The following BPHL variants were observed in gnomAD, a reference collection of about 807,000 sequenced individuals.
BPHL encodes serine hydrolase BPHL.
In BPHL, 27 loss-of-function variants were observed where a neutral mutation model predicts 31.2. That is an observed-to-expected ratio of 0.87 (90% CI 0.64 to 1.19). BPHL has a LOEUF of 1.19. Among genes scored for constraint, BPHL ranks in the 50% most tolerant of loss-of-function variants. The pLI is 0.00. For missense variants in BPHL, 356 were observed against 375.7 expected (o/e 0.95, Z 0.43); for synonymous variants, 150 against 146.8 (o/e 1.02, Z -0.16).
Position 3,127,307 on chromosome 6 carries a change from G to A in BPHL, c.277G>A (p.Ala93Thr). ...CAATAAGAAGCTCTTCACGGTGGTC[G>A]CCTGGGATCCTCGAGGCTATGGACA... ...NLNKKLFTVV[A>T]WDPRGYGHSR... is the part of the protein sequence containing the mutation. The change falls in exon 3 of 7, where the codon GCC (alanine) becomes ACC (threonine). Residue 93 changes from alanine (A) to threonine (T), a missense_variant. Transcript: ENST00000380379. 2 of 1,607,050 alleles carry A rather than the reference G, an allele frequency of 1.2e-6. No individual in the cohort carries two copies. Among genetic ancestry groups the A allele is most frequent in the Non-Finnish European group, 1.7e-6 (2 of 1,175,920 alleles).
chr6:3,124,872 T>C (rs561512391), intron 2 of BPHL, among the ~76,000 whole-genome samples: 65 of 152,306 alleles, frequency 4.3e-4, no homozygotes, highest in African/African-American at 1.5e-3. Context: ...CGTGGCACTG[T>C]TGCACGTGTG....
chr6:3,137,224 C>A, intron 4 of BPHL, 138 bp from the exon 5 acceptor site: 1 of 1,143,078 alleles, frequency 8.7e-7, no homozygotes, highest in Non-Finnish European at 1.2e-6. Context: ...CTAAGCCGAG[C>A]AGAGGGAGGG....
rs546638701 is a variant in BPHL at position 3,119,525 on chromosome 6, C to CA, written c.107+685dup. Reference sequence around the variant, plus strand: ...CCCCCCATTTCAGGTAAAACAATAACAAAAAAACTGGATTAATTTCTGACC... The same window carrying CA: ...CCCCCCATTTCAGGTAAAACAATAACAAAAAAAACTGGATTAATTTCTGACC... On this transcript the variant is annotated intron_variant, in intron 1 of 6. Transcript: ENST00000380379. The CA allele has an allele frequency of 1.3e-4, 209 of 1,612,886 alleles. 1 individual carries two copies. In the South Asian group the frequency reaches 2.0e-3, roughly 16 times the overall value.
intron 1 of BPHL, 93 bp from the exon 2 acceptor site, chr6:3,123,563 AC>A: frequency 9.5e-7 from 1 of 1,049,072 alleles, no homozygotes; most frequent in Non-Finnish European, 1.5e-6. Flanking sequence ...GAACACTAAC[AC>A]TTATTCCTCC....
chr6:3,121,999 G>T (rs1761586507), intron 1 of BPHL, among the ~76,000 whole-genome samples: 1 of 152,196 alleles, frequency 6.6e-6, no homozygotes, highest in Non-Finnish European at 1.5e-5. Flanking sequence ...GTATGTAGAA[G>T]AAAAAGGAGA....
In BPHL at chr6:3,140,385, G is replaced by A; in HGVS notation, c.665-1G>A. On this transcript the variant is annotated splice_acceptor_variant, in intron 5 of 6. Coordinates refer to ENST00000380379, the MANE Select transcript of BPHL (RefSeq NM_004332.4). LOFTEE classifies it high-confidence loss of function. This position sits in a 1 kb window ranked among gnomAD's most constrained non-coding sequence, Gnocchi z 5.2. ...GATTCCTCGTGCTGTGTATCCGTCAGGTAACATCTGCCGGCACCTGCTGCC... is the reference window on the plus strand; with the variant it reads ...GATTCCTCGTGCTGTGTATCCGTCAAGTAACATCTGCCGGCACCTGCTGCC... 4 of 1,614,160 alleles carry A rather than the reference G, an allele frequency of 2.5e-6. No homozygotes were observed. The highest frequency in any genetic ancestry group is 3.4e-6 in the Non-Finnish European group (4 of 1,180,030).
chr6:3,133,847 A>G (rs993899168), intron 4 of BPHL, among the ~76,000 whole-genome samples: 4 of 152,196 alleles, frequency 2.6e-5, no homozygotes, highest in Admixed American at 1.3e-4. Context: ...GTCTAAGTCC[A>G]TGAGTGAAAT....
At chr6:3,134,793 G>A (rs938422333) in intron 4 of BPHL, among the ~76,000 whole-genome samples, 10 of 151,678 alleles carry the variant, frequency 6.6e-5, no homozygotes, top group African/African-American at 2.2e-4. Flanking sequence ...TAGTAGAGAC[G>A]GGGTTTCACC....
intron 6 of BPHL, among the ~76,000 whole-genome samples, chr6:3,148,347 G>T (rs984053601): frequency 6.6e-6 from 1 of 152,232 alleles, no homozygotes; most frequent in African/African-American, 2.4e-5. Context: ...GGCCACCAGT[G>T]GTAAGATGGC....
At chr6:3,122,186 A>C (rs1256394950) in intron 1 of BPHL, among the ~76,000 whole-genome samples, 1 of 152,222 alleles carries the variant, frequency 6.6e-6, no homozygotes, top group African/African-American at 2.4e-5. Context: ...AGGCTGAGGC[A>C]GGAGAATGGT....
At chr6:3,118,554 CGA>C, upstream of BPHL, 1 of 411,880 alleles carries the variant, frequency 2.4e-6, no homozygotes, top group East Asian at 3.6e-5. Context: ...AACCACGAGC[CGA>C]GTTTCGGTCG....
Position 3,149,381 on chromosome 6 carries a change from G to C in BPHL, c.789-3107G>C, listed in dbSNP as rs913011999. 1.3e-5 allele frequency among the ~76,000 whole-genome samples: 2 copies of C among 152,140 alleles called. No homozygotes were observed. The highest frequency in any genetic ancestry group is 3.2e-3 in the Middle Eastern group (1 of 316). On this transcript the variant is annotated intron_variant, in intron 6 of 6. Coordinates refer to ENST00000380379, the MANE Select transcript of BPHL (RefSeq NM_004332.4). This position sits in a 1 kb window ranked among gnomAD's most constrained non-coding sequence, Gnocchi z 4.6. ...AAAAGCACCAACCCAGCAGCCCGAG[G>C]GTCCTCTAGCAGCCCACTTCAAGCC...
rs147781070 is a variant in BPHL, at chr6:3,119,675, T to C, written c.107+828T>C. 6.2e-3 allele frequency among the ~76,000 whole-genome samples: 944 copies of C among 152,342 alleles called. 19 individuals carry two copies. The highest frequency in any genetic ancestry group is 0.022 in the African/African-American group (914 of 41,568). ...CCCTACACACATGCAAACACACGTA[T>C]ACAACGAACGTACACAGTGCATGTG... is the stretch of plus-strand genomic sequence containing the variant. On this transcript the variant is annotated intron_variant, in intron 1 of 6. Transcript: ENST00000380379.
chr6:3,137,905 G>A lies in BPHL; in HGVS notation c.664+412G>A, dbSNP rs188827181. On this transcript the variant is annotated intron_variant, in intron 5 of 6. Transcript: ENST00000380379. ...TACACATTTAGATGTGTCTCCCCAC[G>A]AGGACACTGTTAATCTTTAATCTCA... is the stretch of plus-strand genomic sequence containing the variant. 1.6e-5 allele frequency: 16 copies of A among 1,001,028 alleles called. 1 individual carries two copies. Among genetic ancestry groups the A allele is most frequent in the Middle Eastern group, 2.4e-4 (1 of 4,090 alleles). The allele number at this position is 1,001,028 out of a possible 1,614,324, so 62.0% of individuals were successfully genotyped here.
Position 3,118,856 on chromosome 6 carries a change from G to A in BPHL, c.107+9G>A, listed in dbSNP as rs1761468081. On this transcript the variant is annotated intron_variant, in intron 1 of 6. Coordinates refer to ENST00000380379, the MANE Select transcript of BPHL (RefSeq NM_004332.4). ...CCCGCGGCCGCGTTCGGGTAATGGC[G>A]GCCACCTCGCCCCGGGGATCCCCAG... 1 of 1,235,732 alleles carries A rather than the reference G, an allele frequency of 8.1e-7. No individual in the cohort carries two copies. The highest frequency in any genetic ancestry group is 4.0e-5 in the South Asian group (1 of 25,042). 76.5% of individuals were successfully genotyped at this position (1,235,732 alleles called of 1,614,324 possible). A position where few individuals can be genotyped will look rare whatever the true frequency, so the allele number is the denominator to read the frequency against.
At chr6:3,137,260 CAGTG>C in intron 4 of BPHL, 98 bp from the exon 5 acceptor site, 1 of 1,417,034 alleles carries the variant, frequency 7.1e-7, no homozygotes, top group Non-Finnish European at 9.6e-7. Flanking sequence ...GCAGACGAGA[CAGTG>C]AGCGCATGGG....
At position 3,149,719 on chromosome 6, in the gene BPHL, G is replaced by A. The variant is rs1037069361; in HGVS notation, c.789-2769G>A. Among the ~76,000 whole-genome samples, 5 of 152,086 alleles carry A rather than the reference G, an allele frequency of 3.3e-5. No homozygotes were observed. The highest frequency in any genetic ancestry group is 7.3e-5 in the Non-Finnish European group (5 of 68,030). On this transcript the variant is annotated intron_variant, in intron 6 of 6. Transcript: ENST00000380379. This position sits in a 1 kb window ranked among gnomAD's most constrained non-coding sequence, Gnocchi z 4.6. ...GGGATCTCGGCTCACTGCAACCTCC[G>A]CCTACTGGGTTCAAGTGATTCTGCC...
intron 1 of BPHL, chr6:3,119,218 C>T (rs1347745845): frequency 2.9e-6 from 4 of 1,402,804 alleles, no homozygotes; most frequent in Non-Finnish European, 3.9e-6. Flanking sequence ...CCTCATTAGT[C>T]CATTGCTCTG....
intron 1 of BPHL, among the ~76,000 whole-genome samples, chr6:3,120,144 G>T (rs1466988597): frequency 6.6e-6 from 1 of 151,790 alleles, no homozygotes; most frequent in Admixed American, 6.6e-5. Flanking sequence ...AGCGATTCTC[G>T]TGGCCTCAGC....
Sources: gnomAD v4.1 joint callset for allele counts (sites outside exome capture counted in the v4.1 genomes callset) on GRCh38, gnomAD v4.1.1 for gene constraint, Gnocchi (gnomAD v3.1) non-coding constraint, MANE v1.5 for transcripts, NCBI Gene and HGNC (gene_info 2026-07-23, HGNC 2026-07-21) for gene names.